The following NPEPPS variants were observed in gnomAD, a reference collection of about 807,000 sequenced individuals.
NPEPPS encodes the protein aminopeptidase puromycin sensitive.
In NPEPPS, 14 loss-of-function variants were observed where a neutral mutation model predicts 115.5. The ratio of observed to expected loss-of-function variants is 0.12; its 90% CI spans 0.08 to 0.19. The LOEUF is 0.19. Ranked by LOEUF, NPEPPS falls within the 10% of genes least tolerant of loss-of-function variation. NPEPPS has a pLI of 1.00. For missense variants in NPEPPS, 523 were observed against 1,110.8 expected (o/e 0.47, Z 7.52); for synonymous variants, 285 against 390.6 (o/e 0.73, Z 3.19).
chr17:47,600,351 G>T (rs147736692), intron 14 of NPEPPS, among the ~76,000 whole-genome samples: 2 of 152,124 alleles, frequency 1.3e-5, no homozygotes, highest in African/African-American at 4.8e-5. Flanking sequence ...TTGGAGAATT[G>T]CTTGAGCCCA....
At chr17:47,556,658 C>T (rs1194057347) in intron 2 of NPEPPS, among the ~76,000 whole-genome samples, 1 of 152,178 alleles carries the variant, frequency 6.6e-6, no homozygotes, top group South Asian at 2.1e-4. Context: ...AAGGGGCGGC[C>T]GGGCAGAGGT....
At chr17:47,547,983 G>A (rs1031257820) in intron 2 of NPEPPS, among the ~76,000 whole-genome samples, 4 of 152,014 alleles carry the variant, frequency 2.6e-5, no homozygotes, top group African/African-American at 9.7e-5. Flanking sequence ...CCGAGATCGC[G>A]CCACTGCACT....
intron 1 of NPEPPS, among the ~76,000 whole-genome samples, chr17:47,534,015 T>A (rs1180158759): frequency 6.6e-6 from 1 of 152,178 alleles, no homozygotes; most frequent in African/African-American, 2.4e-5. Flanking sequence ...TTAATGTTTT[T>A]GAAATCCATG....
Position 47,619,748 on chromosome 17 carries a change from G to T in NPEPPS, c.2571G>T (p.Glu857Asp). The T allele has an allele frequency of 6.2e-7, 1 of 1,613,628 alleles. No individual in the cohort carries two copies. The change falls in exon 22 of 23, where the codon GAG becomes GAT. Residue 857 changes from glutamate (E) to aspartate (D), a missense_variant. Physicochemically the swap from Glu to Asp is conservative, Grantham distance 45 (BLOSUM62 2). Around this residue, in one of 4 missense-constraint regions of NPEPPS, gnomAD observed 372 missense variants for 542.6 expected, o/e 0.69. Coordinates refer to ENST00000322157, the MANE Select transcript of NPEPPS (RefSeq NM_006310.4). The part of the protein sequence containing the change: ...LISRLIKLSV[E>D]GFAVDKMAGE... ...CCATTGTTTTGCAGCTATCAGTTGA[G>T]GGATTTGCAGTTGATAAAATGGCTG...
intron 2 of NPEPPS, among the ~76,000 whole-genome samples, chr17:47,558,596 ATTTTTGTG>A (rs1910219647): frequency 7.1e-6 from 1 of 140,658 alleles, no homozygotes; most frequent in Non-Finnish European, 1.5e-5. Flanking sequence ...CGCCTGGCTA[ATTTTTGTG>A]TTTTTGTAGA....
At chr17:47,569,131 G>A (rs2143801396) in intron 2 of NPEPPS, among the ~76,000 whole-genome samples, 1 of 152,042 alleles carries the variant, frequency 6.6e-6, no homozygotes, top group East Asian at 1.9e-4. Flanking sequence ...AGTCACACAG[G>A]AATCTGATAG....
chr17:47,569,845 CT>C (rs1326529472), intron 3 of NPEPPS, among the ~76,000 whole-genome samples: 1 of 152,144 alleles, frequency 6.6e-6, no homozygotes, highest in East Asian at 1.9e-4. Flanking sequence ...TCTTGAACTC[CT>C]GATCTCAAGC....
chr17:47,608,981 G>C (rs746134334), intron 17 of NPEPPS, among the ~76,000 whole-genome samples: 54 of 152,164 alleles, frequency 3.5e-4, no homozygotes, highest in Admixed American at 1.5e-3. Flanking sequence ...GAGAGGAAAT[G>C]GAGACAACAC....
intron 17 of NPEPPS, among the ~76,000 whole-genome samples, chr17:47,606,744 A>AGCTTCTATGTCTTTTCTTCATTGATTT: frequency 6.6e-6 from 1 of 152,156 alleles, no homozygotes; most frequent in Non-Finnish European, 1.5e-5. Flanking sequence ...AGCTGGTCCC[A>AGCTTCTATGTCTTTTCTTCATTGATTT]AACAAATATT....
chr17:47,523,451 C>T (rs1249708848), intron 1 of NPEPPS, among the ~76,000 whole-genome samples: 4 of 150,756 alleles, frequency 2.7e-5, no homozygotes, highest in Admixed American at 6.6e-5. Flanking sequence ...GACGGGGTCT[C>T]GTTTTGTCAC....
chr17:47,546,027 G>T (rs1313849423), intron 2 of NPEPPS, 34 bp downstream of exon 2: 1 of 1,528,370 alleles, frequency 6.5e-7, no homozygotes, highest in African/African-American at 1.4e-5. Context: ...TTTGCTGTCT[G>T]CATGTGCATA....
chr17:47,612,213 C>G (rs1204199924), intron 17 of NPEPPS, among the ~76,000 whole-genome samples: 1 of 152,096 alleles, frequency 6.6e-6, no homozygotes, highest in African/African-American at 2.4e-5. Context: ...ATTTAGTAAA[C>G]TCAGATAGTT....
chr17:47,532,242 C>T (rs913956615), intron 1 of NPEPPS, among the ~76,000 whole-genome samples: 1 of 152,142 alleles, frequency 6.6e-6, no homozygotes, highest in East Asian at 1.9e-4. Context: ...TCTCTCTTAA[C>T]CTCCAGAGAA....
At chr17:47,567,079 C>CA (rs1429461107) in intron 2 of NPEPPS, among the ~76,000 whole-genome samples, 3 of 151,968 alleles carry the variant, frequency 2.0e-5, no homozygotes, top group Non-Finnish European at 2.9e-5. Context: ...GATCCTGTCT[C>CA]AAAAAACAAA....
At chr17:47,577,414 A>G (rs188549525) in intron 3 of NPEPPS, among the ~76,000 whole-genome samples, 388 of 152,214 alleles carry the variant, frequency 2.5e-3, no homozygotes, top group Admixed American at 8.4e-3. Flanking sequence ...TAATGTGAAT[A>G]CATTTGCTTT....
intron 5 of NPEPPS, 90 bp downstream of exon 5, chr17:47,582,939 A>G: frequency 5.1e-6 from 3 of 587,624 alleles, no homozygotes; most frequent in South Asian, 2.2e-5. Context: ...GAAACCACCT[A>G]CCACAGTGCT....
At chr17:47,588,344 T>C (rs1029035307) in intron 9 of NPEPPS, among the ~76,000 whole-genome samples, 2 of 152,124 alleles carry the variant, frequency 1.3e-5, no homozygotes, top group Non-Finnish European at 2.9e-5. Flanking sequence ...GGTGGATCAC[T>C]TGAGGTCACG....
In NPEPPS at chr17:47,555,502, C is replaced by A. The variant is rs139337966; in HGVS notation, c.340+9509C>A. Among the ~76,000 whole-genome samples, 99 of 151,882 alleles carry A rather than the reference C, an allele frequency of 6.5e-4. 2 individuals carry two copies. The East Asian group carries it at 0.015, about 23-fold the overall frequency. On this transcript the variant is annotated intron_variant, in intron 2 of 22. Coordinates refer to ENST00000322157, the MANE Select transcript of NPEPPS (RefSeq NM_006310.4). The stretch of plus-strand genomic sequence containing the variant: ...AGCTGGGATTACAGGCATGCACCAC[C>A]ACACCCGGCTAATTTTGTATTTTTA...
chr17:47,604,150 A>G (rs1436715138), intron 16 of NPEPPS, 101 bp downstream of exon 16: 1 of 1,137,686 alleles, frequency 8.8e-7, no homozygotes, highest in Non-Finnish European at 1.2e-6. Flanking sequence ...ATGGGTCTTC[A>G]TGATGGTTAA....
Sources: allele counts gnomAD v4.1 joint callset (sites outside exome capture counted in the v4.1 genomes callset), GRCh38; gene constraint gnomAD v4.1.1; regional missense constraint gnomAD v4.1.1; transcripts MANE v1.5; gene names NCBI Gene and HGNC (gene_info 2026-07-23, HGNC 2026-07-21).